PLXNA4: variants seen among roughly 807,000 people sequenced by gnomAD.
PLXNA4 encodes plexin-A4.
In PLXNA4, 44 loss-of-function variants were observed where a neutral mutation model predicts 191.8. That is an observed-to-expected ratio of 0.23 (90% confidence interval 0.18 to 0.29). PLXNA4 has a LOEUF of 0.29. Ranked by LOEUF, PLXNA4 falls within the 10% of genes least tolerant of loss-of-function variation. The pLI is 1.00. For synonymous variants in PLXNA4, 1,082 were observed against 1,009.5 expected (o/e 1.07, Z -1.36); for missense variants, 1,800 against 2,488.8 (o/e 0.72, Z 5.89).
intron 16 of PLXNA4, among the ~76,000 whole-genome samples, chr7:132,183,824 T>C (rs1427378103): frequency 6.6e-6 from 1 of 152,220 alleles, no homozygotes; most frequent in Non-Finnish European, 1.5e-5. Context: ...AAAGCCTGTC[T>C]TTCTTTTGGG....
chr7:132,217,926 T>G (rs1157753789), intron 9 of PLXNA4, among the ~76,000 whole-genome samples: 1 of 115,920 alleles, frequency 8.6e-6, no homozygotes, highest in Non-Finnish European at 1.7e-5. Context: ...TTTTTTTTTT[T>G]TCACAGCAGG....
intron 3 of PLXNA4, among the ~76,000 whole-genome samples, chr7:132,466,907 T>C (rs1796728085): frequency 6.6e-6 from 1 of 152,152 alleles, no homozygotes; most frequent in Non-Finnish European, 1.5e-5. Flanking sequence ...TTCTGGGTGA[T>C]TAGAGGAGAC....
chr7:132,355,994 G>A (rs58107068), intron 3 of PLXNA4, among the ~76,000 whole-genome samples: 4,922 of 152,242 alleles, frequency 0.032, 254 homozygotes, highest in African/African-American at 0.1. Flanking sequence ...AGAGCGAGGA[G>A]GGGGTTTAGG....
chr7:132,513,106 G>T (rs1435378296), intron 1 of PLXNA4, among the ~76,000 whole-genome samples: 2 of 152,076 alleles, frequency 1.3e-5, no homozygotes, highest in African/African-American at 4.8e-5. Context: ...AGGGGAGATG[G>T]GACTCATTTA....
chr7:132,254,074 T>C (rs961957078), intron 4 of PLXNA4, among the ~76,000 whole-genome samples: 3 of 152,134 alleles, frequency 2.0e-5, no homozygotes, highest in Non-Finnish European at 4.4e-5. Context: ...TTGATCTCTA[T>C]TGTCCTTTCA....
At chr7:132,323,494 T>C (rs558811839) in intron 3 of PLXNA4, among the ~76,000 whole-genome samples, 2 of 152,314 alleles carry the variant, frequency 1.3e-5, no homozygotes, top group African/African-American at 4.8e-5. Flanking sequence ...CCAGGAGGCC[T>C]GACCTGGGTC....
intron 4 of PLXNA4, among the ~76,000 whole-genome samples, chr7:132,247,101 C>G (rs1324395204): frequency 1.3e-5 from 2 of 152,140 alleles, no homozygotes; most frequent in South Asian, 4.1e-4. Flanking sequence ...TCTGATATTT[C>G]GAAAGATGCT....
chr7:132,429,740 T>C (rs1433504414), intron 3 of PLXNA4, among the ~76,000 whole-genome samples: 2 of 152,250 alleles, frequency 1.3e-5, no homozygotes, highest in African/African-American at 4.8e-5. Flanking sequence ...TCTCTGATTA[T>C]TCCACACCCA....
chr7:132,447,132 T>G lies in PLXNA4; in HGVS notation c.1371+42160A>C, dbSNP rs192094440. Among the ~76,000 whole-genome samples the G allele has an allele frequency of 1.2e-3, 190 of 152,272 alleles. 1 individual carries two copies. The highest frequency in any genetic ancestry group is 4.4e-3 in the African/African-American group (182 of 41,560). The stretch of plus-strand genomic sequence containing the variant: ...CCCGCTCCACTGCCTAACTGACATT[T>G]CCGGTTGATTTCACCTTAGAGGCTT... On this transcript the variant is annotated intron_variant, in intron 3 of 31. Transcript: ENST00000321063.
Position 132,241,176 on chromosome 7 carries a change from C to A in PLXNA4, c.1504-10G>T. The A allele has an allele frequency of 6.2e-7, 1 of 1,603,468 alleles. No homozygotes were observed. Among genetic ancestry groups the A allele is most frequent in the Non-Finnish European group, 8.5e-7 (1 of 1,172,376 alleles). ...CAGGGACTCTGGTGAGCTAGGACAG[C>A]AGGATAGGGAGAAGGTGGTCAAGAT... On this transcript the variant is annotated splice_polypyrimidine_tract_variant and intron_variant, in intron 4 of 31. Coordinates refer to ENST00000321063, the MANE Select transcript of PLXNA4 (RefSeq NM_020911.2).
intron 2 of PLXNA4, among the ~76,000 whole-genome samples, chr7:132,608,848 A>G (rs961165081): frequency 6.6e-6 from 1 of 152,142 alleles, no homozygotes; most frequent in African/African-American, 2.4e-5. Context: ...TGTCTCAAGG[A>G]CCACATTCAA....
At position 132,602,710 on chromosome 7, in the gene PLXNA4, C is replaced by T. The variant is rs17166622; in HGVS notation, c.-87+43218G>A. Among the ~76,000 whole-genome samples the T allele has an allele frequency of 8.4e-3, 1,272 of 152,118 alleles. 23 individuals carry two copies. Among genetic ancestry groups the T allele is most frequent in the African/African-American group, 0.03 (1,225 of 41,474 alleles). Reference sequence around the variant, plus strand: ...GACAAGGACCTGCCTCCCATCTTAGCGAGGGAAGAGAGTACAAGAGGGATC... The same window carrying T: ...GACAAGGACCTGCCTCCCATCTTAGTGAGGGAAGAGAGTACAAGAGGGATC... On this transcript the variant is annotated intron_variant, in intron 2 of 4. Coordinates refer to the PLXNA4 transcript ENST00000378539.
chr7:132,468,256 T>A (rs889139437), intron 3 of PLXNA4, among the ~76,000 whole-genome samples: 1 of 151,630 alleles, frequency 6.6e-6, no homozygotes, highest in African/African-American at 2.4e-5. Context: ...CAAACACACA[T>A]ACACACACAG....
chr7:132,317,226 T>C (rs1338115485), intron 3 of PLXNA4, among the ~76,000 whole-genome samples: 1 of 151,310 alleles, frequency 6.6e-6, no homozygotes, highest in African/African-American at 2.4e-5. Flanking sequence ...GTGTGTGCTG[T>C]GCTATATCAT....
At chr7:132,406,361 C>T (rs1055820060) in intron 3 of PLXNA4, among the ~76,000 whole-genome samples, 1 of 152,210 alleles carries the variant, frequency 6.6e-6, no homozygotes, top group East Asian at 1.9e-4. Context: ...GTCAGTTACT[C>T]AGCTACTCCA....
intron 3 of PLXNA4, among the ~76,000 whole-genome samples, chr7:132,350,014 T>C (rs962804619): frequency 1.3e-5 from 2 of 152,104 alleles, no homozygotes; most frequent in Non-Finnish European, 2.9e-5. Flanking sequence ...GCTGCAGCCC[T>C]CCCCTTTGTA....
intron 3 of PLXNA4, among the ~76,000 whole-genome samples, chr7:132,400,201 T>TGATC (rs1248371731): frequency 1.3e-5 from 2 of 152,286 alleles, no homozygotes; most frequent in East Asian, 3.9e-4. Flanking sequence ...ACAGAGTGAA[T>TGATC]GATCCATACG....
intron 29 of PLXNA4, among the ~76,000 whole-genome samples, chr7:132,144,223 T>C (rs924796609): frequency 6.6e-6 from 1 of 152,214 alleles, no homozygotes; most frequent in Non-Finnish European, 1.5e-5. Flanking sequence ...AAGCCAGCTT[T>C]GCCTCAGGTA....
chr7:132,622,910 T>A (rs1474584925), intron 2 of PLXNA4, among the ~76,000 whole-genome samples: 1 of 152,336 alleles, frequency 6.6e-6, no homozygotes, highest in South Asian at 2.1e-4. Flanking sequence ...GGTAGAGTCA[T>A]GCCCAGCATT....
Sources: gnomAD v4.1 joint callset for allele counts (sites outside exome capture counted in the v4.1 genomes callset) on GRCh38, gnomAD v4.1.1 for gene constraint, MANE v1.5 for transcripts, NCBI Gene and HGNC (gene_info 2026-07-23, HGNC 2026-07-21) for gene names.